DIP2C: variants seen among roughly 807,000 people sequenced by gnomAD.
DIP2C encodes DIP2 acetate--CoA ligase C (putative).
DIP2C carries 33 observed loss-of-function variants against 192.4 expected under a neutral mutation model. The observed-to-expected ratio is 0.17, with a 90% CI of 0.13 to 0.23. DIP2C has a LOEUF of 0.23. DIP2C is among the 10% of genes least tolerant of loss of function. The probability of loss-of-function intolerance (pLI) is 1.00; values close to 1 mark genes in which losing one functional copy is unlikely to be tolerated. For missense variants in DIP2C, 1,537 were observed against 2,110.1 expected, an observed-to-expected ratio of 0.73 and a Z score of 5.32; for synonymous variants, 979 against 864.1, an observed-to-expected ratio of 1.13 and a Z score of -2.33.
intron 32 of DIP2C, among the ~76,000 whole-genome samples, chr10:305,276 C>G (rs1564530352): frequency 6.6e-6 from 1 of 152,194 alleles, no homozygotes; most frequent in African/African-American, 2.4e-5. Context: ...TGTGCAGACA[C>G]TATTCACACA....
At chr10:419,405 A>G (rs563579136) in intron 5 of DIP2C, among the ~76,000 whole-genome samples, 7 of 152,258 alleles carry the variant, frequency 4.6e-5, no homozygotes, top group Admixed American at 2.0e-4. Context: ...CAAATGGAGC[A>G]GAGTTCGGTA....
rs372758129 is a variant in DIP2C at position 349,358 on chromosome 10, C to T, written c.3082G>A (p.Asp1028Asn). Residue 1028 changes from aspartate (D) to asparagine (N), a missense_variant, in exon 25 of 37, where the codon GAC becomes AAC. By Grantham distance (23) the Asp-to-Asn change is conservative. Transcript: ENST00000280886. ...LMERGHLQDG[D>N]HVALVYPPGI... ...GGGGGGTAGACCAAGGCCACGTGGT[C>T]GCCGTCCTGAAGGTGGCCCCTCTCC... is the stretch of plus-strand genomic sequence containing the variant. 1 of 1,609,612 alleles carries T rather than the reference C, an allele frequency of 6.2e-7. No homozygotes were observed. The highest frequency in any genetic ancestry group is 1.3e-5 in the African/African-American group (1 of 74,936).
In DIP2C at chr10:329,474, G is replaced by C. The variant is rs768450319; in HGVS notation, c.3712C>G (p.Leu1238Val). ...DTFCSYSVMELCTKGLGSQTE... is the reference protein window; with the variant it reads ...DTFCSYSVMEVCTKGLGSQTE... ...TGCGAGCCCAGCCCCTTGGTGCACA[G>C]CTCCATCACGGAGTAGGAGCAAAAC... The change falls in exon 30 of 37, where the codon CTG (leucine) becomes GTG (valine). Residue 1238 changes from leucine to valine, a missense_variant. Leu to Val is a conservative substitution (Grantham distance 32). Transcript: ENST00000280886. The C allele has an allele frequency of 7.4e-6, 12 of 1,614,164 alleles. No homozygotes were observed. The South Asian group carries it at 1.2e-4, about 16-fold the overall frequency.
chr10:330,291 G>C (rs6560826), intron 29 of DIP2C, among the ~76,000 whole-genome samples: 146 of 152,250 alleles, frequency 9.6e-4, no homozygotes, highest in African/African-American at 3.3e-3. Context: ...GAAAAATAAC[G>C]ATTCTTTAAT....
chr10:417,784 T>G (rs113166599), intron 6 of DIP2C, among the ~76,000 whole-genome samples: 1,981 of 43,792 alleles, frequency 0.045, 357 homozygotes, highest in Middle Eastern at 0.14. Context: ...CTGTCAGGGC[T>G]CGGATAGGCC....
In DIP2C at chr10:676,139, C is replaced by T. The variant is rs1830868042; in HGVS notation, c.85+13355G>A. Among the ~76,000 whole-genome samples, 3 of 152,106 alleles carry T rather than the reference C, an allele frequency of 2.0e-5. No homozygotes were observed. The South Asian group carries it at 6.2e-4, about 31-fold the overall frequency. ...AACCAATAAACACGCTACATCACAT[C>T]AACAGAATTAAGGACAAAAGCCATA... On this transcript the variant is annotated intron_variant, in intron 1 of 36. Transcript: ENST00000280886.
At chr10:589,082 G>A (rs1851255126) in intron 1 of DIP2C, among the ~76,000 whole-genome samples, 2 of 152,102 alleles carry the variant, frequency 1.3e-5, no homozygotes, top group South Asian at 2.1e-4. Context: ...GCTGAAACCA[G>A]TCGCACTGAA....
chr10:539,723 T>TA (rs1437693238), intron 1 of DIP2C, among the ~76,000 whole-genome samples: 1 of 152,260 alleles, frequency 6.6e-6, no homozygotes, highest in East Asian at 1.9e-4. Flanking sequence ...GTCATTCCAG[T>TA]AAGTTTATTG....
intron 1 of DIP2C, among the ~76,000 whole-genome samples, chr10:590,008 T>C (rs1302151084): frequency 6.6e-6 from 1 of 152,240 alleles, no homozygotes; most frequent in African/African-American, 2.4e-5. Context: ...GAAATACCTT[T>C]CACAGTATAG....
At chr10:504,508 CAG>C (rs1845452769) in intron 1 of DIP2C, among the ~76,000 whole-genome samples, 1 of 152,184 alleles carries the variant, frequency 6.6e-6, no homozygotes, top group Non-Finnish European at 1.5e-5. Context: ...GGATGGGACT[CAG>C]AAGCTGCAAG....
rs1850477054 is a variant in DIP2C at position 579,825 on chromosome 10, G to A, written c.86-93295C>T. Among the ~76,000 whole-genome samples, 4 of 151,942 alleles carry A rather than the reference G, an allele frequency of 2.6e-5. No individual in the cohort carries two copies. The South Asian group carries it at 6.2e-4, about 24-fold the overall frequency. On this transcript the variant is annotated intron_variant, in intron 1 of 36. Transcript: ENST00000280886. ...CATAGGTACACTATAATGTGTACATGCATAGCATGTACACACATCTGTACA... is the reference window on the plus strand; with the variant it reads ...CATAGGTACACTATAATGTGTACATACATAGCATGTACACACATCTGTACA...
At position 356,426 on chromosome 10, in the gene DIP2C, C is replaced by T. The variant is rs1959085887; in HGVS notation, c.2985G>A (p.Arg995=). The change falls in exon 24 of 37, where the codon CGG becomes CGA. Residue 995 remains arginine (R), a splice_region_variant and synonymous_variant. Transcript: ENST00000280886. The stretch of plus-strand genomic sequence containing the variant: ...AGGGAAGGCCAGCTCCGCGCCTCAC[C>T]CGACAGTTGAGCAGCGTGTAGAGGA... ...DHILYTLLNC[R]GAIANSLTCV... 6.2e-7 allele frequency: 1 copy of T among 1,611,126 alleles called. No individual in the cohort carries two copies. The highest frequency in any genetic ancestry group is 1.3e-5 in the African/African-American group (1 of 74,940).
chr10:656,574 G>A (rs1856347319), intron 1 of DIP2C, among the ~76,000 whole-genome samples: 1 of 152,192 alleles, frequency 6.6e-6, no homozygotes, highest in Non-Finnish European at 1.5e-5. Context: ...ATAGAATTCT[G>A]TCTCTATGAT....
intron 1 of DIP2C, among the ~76,000 whole-genome samples, chr10:672,637 T>A (rs1487213058): frequency 6.6e-6 from 1 of 152,228 alleles, no homozygotes; most frequent in Non-Finnish European, 1.5e-5. Flanking sequence ...TTAGAAACCA[T>A]CACAATCATT....
At chr10:491,633 AT>A (rs1217316627) in intron 1 of DIP2C, among the ~76,000 whole-genome samples, 1 of 152,194 alleles carries the variant, frequency 6.6e-6, no homozygotes, top group Non-Finnish European at 1.5e-5. Flanking sequence ...TGTGGGTCGC[AT>A]TTTTCTCATG....
In DIP2C at chr10:315,399, T is replaced by C. The variant is rs528413202; in HGVS notation, c.3925-5307A>G. ...TCCTTGAGACATTCTTACTATTTCT[T>C]GTGACACGTATTTGCTGAACGATTC... On this transcript the variant is annotated intron_variant, in intron 31 of 36. Transcript: ENST00000280886. Among the ~76,000 whole-genome samples the C allele has an allele frequency of 2.6e-5, 4 of 152,348 alleles. No individual in the cohort carries two copies. In the East Asian group the frequency reaches 5.8e-4, roughly 22 times the overall value.
intron 1 of DIP2C, among the ~76,000 whole-genome samples, chr10:567,301 G>A (rs1021762352): frequency 6.6e-6 from 1 of 152,110 alleles, no homozygotes; most frequent in African/African-American, 2.4e-5. Flanking sequence ...CAATTCTCCT[G>A]CTTCAGCCTC....
chr10:672,372 A>G (rs1294756146), intron 1 of DIP2C, among the ~76,000 whole-genome samples: 1 of 152,222 alleles, frequency 6.6e-6, no homozygotes, highest in African/African-American at 2.4e-5. Flanking sequence ...AGTGTGGAAC[A>G]TCGGACAGGA....
At chr10:616,997 C>A (rs971321292) in intron 1 of DIP2C, among the ~76,000 whole-genome samples, 1 of 152,110 alleles carries the variant, frequency 6.6e-6, no homozygotes, top group Non-Finnish European at 1.5e-5. Flanking sequence ...GAAAGAAAGC[C>A]AGGGAGGGAC....
Sources: gnomAD v4.1 joint callset for allele counts (sites outside exome capture counted in the v4.1 genomes callset) on GRCh38, gnomAD v4.1.1 for gene constraint, MANE v1.5 for transcripts, NCBI Gene and HGNC (gene_info 2026-07-23, HGNC 2026-07-21) for gene names.